Variants in ADAMTS6 observed in about 807,000 individuals in gnomAD.
The protein encoded by ADAMTS6 is ADAM metallopeptidase with thrombospondin type 1 motif 6, also known as A disintegrin and metalloproteinase with thrombospondin motifs 6.
Under a neutral mutation model 144.3 loss-of-function variants are expected in ADAMTS6, and 23 were observed. The observed-to-expected ratio is 0.16, with a 90% CI of 0.11 to 0.23. ADAMTS6 has a LOEUF of 0.23. Among genes scored for constraint, ADAMTS6 ranks in the 10% least tolerant of loss-of-function variants. The pLI is 1.00. For synonymous variants in ADAMTS6, 444 were observed against 457.5 expected (o/e 0.97, Z 0.38); for missense variants, 999 against 1,379.6 (o/e 0.72, Z 4.37).
chr5:65,445,167 T>A (rs2150238601), intron 7 of ADAMTS6, among the ~76,000 whole-genome samples: 1 of 152,342 alleles, frequency 6.6e-6, no homozygotes, highest in East Asian at 1.9e-4. Flanking sequence ...GATAATTGAT[T>A]AAATTTGGGC....
At chr5:65,305,813 G>GACAC (rs746422686) in intron 9 of ADAMTS6, among the ~76,000 whole-genome samples, 2 of 151,066 alleles carry the variant, frequency 1.3e-5, no homozygotes, top group African/African-American at 2.4e-5. Context: ...TGCACACATG[G>GACAC]ACACACACAC....
chr5:65,189,875 T>C (rs1754903436), intron 21 of ADAMTS6, among the ~76,000 whole-genome samples: 1 of 152,254 alleles, frequency 6.6e-6, no homozygotes, highest in African/African-American at 2.4e-5. Flanking sequence ...TTTTCTTCAA[T>C]CCATAATTAT....
At chr5:65,190,786 A>G (rs1349783077) in intron 21 of ADAMTS6, among the ~76,000 whole-genome samples, 1 of 152,022 alleles carries the variant, frequency 6.6e-6, no homozygotes, top group African/African-American at 2.4e-5. Flanking sequence ...TTTAACTCTC[A>G]TTTCAGGCTT....
intron 7 of ADAMTS6, among the ~76,000 whole-genome samples, chr5:65,434,894 C>A (rs1757274868): frequency 1.3e-5 from 2 of 152,076 alleles, no homozygotes; most frequent in Non-Finnish European, 2.9e-5. Flanking sequence ...GGTATTTGCC[C>A]TAGAGAACTC....
At chr5:65,175,955 C>T (rs1450687192) in intron 22 of ADAMTS6, among the ~76,000 whole-genome samples, 2 of 151,562 alleles carry the variant, frequency 1.3e-5, no homozygotes, top group African/African-American at 4.8e-5. Flanking sequence ...TAATTGAAAT[C>T]CCAAACTTAA....
At chr5:65,473,147 T>A (rs148738227) in intron 2 of ADAMTS6, among the ~76,000 whole-genome samples, 2 of 152,274 alleles carry the variant, frequency 1.3e-5, no homozygotes, top group East Asian at 3.9e-4. Context: ...AGATCAGAAC[T>A]CTCAGGTTTG....
intron 11 of ADAMTS6, among the ~76,000 whole-genome samples, chr5:65,285,786 G>C (rs1326782409): frequency 6.6e-6 from 1 of 152,118 alleles, no homozygotes; most frequent in African/African-American, 2.4e-5. Flanking sequence ...TGTTAGAAAA[G>C]GCCTCATTTA....
chr5:65,164,250 G>A lies in ADAMTS6; in HGVS notation c.3244+6367C>T, dbSNP rs1289236307. 3.3e-5 allele frequency among the ~76,000 whole-genome samples: 5 copies of A among 151,922 alleles called. No individual in the cohort carries two copies. In the East Asian group the frequency reaches 5.8e-4, roughly 18 times the overall value. ...CAAGGGGTCAGGGAGTTCCCTTTCC[G>A]AGTCAAAGAAAGGGGTGATGGACGC... On this transcript the variant is annotated intron_variant, in intron 24 of 24. Coordinates refer to ENST00000381055, the MANE Select transcript of ADAMTS6 (RefSeq NM_197941.4).
At chr5:65,295,827 C>T (rs1297504917) in intron 10 of ADAMTS6, among the ~76,000 whole-genome samples, 1 of 152,008 alleles carries the variant, frequency 6.6e-6, no homozygotes, top group African/African-American at 2.4e-5. Context: ...TTACATTTCT[C>T]AAAATGTTTG....
intron 9 of ADAMTS6, among the ~76,000 whole-genome samples, chr5:65,310,457 T>C (rs1744386390): frequency 1.3e-5 from 2 of 152,048 alleles, no homozygotes; most frequent in Non-Finnish European, 1.5e-5. Flanking sequence ...GCCCAGGAGG[T>C]TGAGGCGAAG....
Position 65,434,732 on chromosome 5 carries a change from T to C in ADAMTS6, c.1073+16743A>G, listed in dbSNP as rs369336398. Among the ~76,000 whole-genome samples the C allele has an allele frequency of 6.6e-5, 10 of 152,274 alleles. No individual in the cohort carries two copies. In the East Asian group the frequency reaches 1.2e-3, roughly 18 times the overall value. On this transcript the variant is annotated intron_variant, in intron 7 of 24. Coordinates refer to ENST00000381055, the MANE Select transcript of ADAMTS6 (RefSeq NM_197941.4). The stretch of plus-strand genomic sequence containing the variant: ...TGCTACTTATTGACTATTTACAAGG[T>C]ATTAAGCATTTCAAAGCAAGCTGGG...
chr5:65,386,043 A>C (rs1017563029), intron 7 of ADAMTS6, among the ~76,000 whole-genome samples: 12 of 152,196 alleles, frequency 7.9e-5, no homozygotes, highest in African/African-American at 2.7e-4. Flanking sequence ...ATTATTGAAC[A>C]TTTTAACAAT....
At chr5:65,450,635 A>T (rs1375126725) in intron 7 of ADAMTS6, among the ~76,000 whole-genome samples, 1 of 152,196 alleles carries the variant, frequency 6.6e-6, no homozygotes, top group African/African-American at 2.4e-5. Flanking sequence ...AAATAATTTA[A>T]GTATAATGTT....
At chr5:65,174,507 GCAGTGGC>G (rs1753845042) in intron 22 of ADAMTS6, among the ~76,000 whole-genome samples, 1 of 152,182 alleles carries the variant, frequency 6.6e-6, no homozygotes, top group Non-Finnish European at 1.5e-5. Context: ...GACGATCAAC[GCAGTGGC>G]TGAACACCGG....
intron 10 of ADAMTS6, among the ~76,000 whole-genome samples, chr5:65,293,983 C>G (rs1180798116): frequency 9.2e-5 from 14 of 152,048 alleles, no homozygotes; most frequent in Admixed American, 9.2e-4. Context: ...ATGGAATAAA[C>G]AAAGGACTTT....
At chr5:65,179,337 A>G (rs1451033077) in intron 22 of ADAMTS6, among the ~76,000 whole-genome samples, 1 of 152,174 alleles carries the variant, frequency 6.6e-6, no homozygotes, top group Non-Finnish European at 1.5e-5. Flanking sequence ...GAAATGACCA[A>G]CCTGATGTGT....
Position 65,452,114 on chromosome 5 carries a change from T to A in ADAMTS6, c.927+19A>T. 6.3e-7 allele frequency: 1 copy of A among 1,587,782 alleles called. No individual in the cohort carries two copies. The highest frequency in any genetic ancestry group is 8.6e-7 in the Non-Finnish European group (1 of 1,162,506). On this transcript the variant is annotated intron_variant, in intron 6 of 24. Transcript: ENST00000381055. ...CCTTCTGTTAACAATCTTAGATATA[T>A]AAACTAACTCATTCTTACCTGATCT...
chr5:65,267,007 T>C (rs1459870446), intron 12 of ADAMTS6, among the ~76,000 whole-genome samples: 1 of 152,008 alleles, frequency 6.6e-6, no homozygotes, highest in East Asian at 1.9e-4. Context: ...AAATTAAGAG[T>C]TTAATGTGTG....
At chr5:65,332,308 T>TAG (rs1176890409) in intron 8 of ADAMTS6, among the ~76,000 whole-genome samples, 2,438 of 109,218 alleles carry the variant, frequency 0.022, 36 homozygotes, top group Admixed American at 0.058. Context: ...TATATATATA[T>TAG]ATATAGAGAG....
Sources: gnomAD v4.1 joint callset for allele counts (sites outside exome capture counted in the v4.1 genomes callset) on GRCh38, gnomAD v4.1.1 for gene constraint, MANE v1.5 for transcripts, NCBI Gene and HGNC (gene_info 2026-07-23, HGNC 2026-07-21) for gene names.